Variants in DIS3L2 observed in about 807,000 individuals in gnomAD.
DIS3L2 encodes the protein DIS3-like exonuclease 2.
A neutral mutation model predicts 97.5 loss-of-function variants in DIS3L2; 34 were observed. That is an observed-to-expected ratio of 0.35 (90% CI 0.27 to 0.46). The LOEUF (loss-of-function observed/expected upper bound fraction) is 0.46. DIS3L2 is among the 20% of genes least tolerant of loss of function. The pLI is 1.00. For missense variants in DIS3L2, 1,038 were observed against 1,146.0 expected, an observed-to-expected ratio of 0.91 and a Z score of 1.36; for synonymous variants, 435 against 445.2, an observed-to-expected ratio of 0.98 and a Z score of 0.29.
rs182846533 is a variant in DIS3L2, at chr2:232,217,766, G to A, written c.1204+7361G>A. Among the ~76,000 whole-genome samples the A allele has an allele frequency of 5.3e-5, 8 of 152,324 alleles. No individual in the cohort carries two copies. In the East Asian group the frequency reaches 9.6e-4, roughly 18 times the overall value. On this transcript the variant is annotated intron_variant, in intron 10 of 20. Transcript: ENST00000325385. The stretch of plus-strand genomic sequence containing the variant: ...ATGTGGAGCTTCCATGCCTTCCCCA[G>A]GCATGCCACCCTCCAGGAACCTGCA...
chr2:232,080,602 CT>C, intron 5 of DIS3L2, among the ~76,000 whole-genome samples: 1 of 150,844 alleles, frequency 6.6e-6, no homozygotes, highest in East Asian at 1.9e-4. Context: ...CCTTTCTTTT[CT>C]TCTTTAAAAA....
chr2:232,161,862 T>G (rs950147238), intron 8 of DIS3L2, among the ~76,000 whole-genome samples: 1 of 151,958 alleles, frequency 6.6e-6, no homozygotes, highest in Non-Finnish European at 1.5e-5. Flanking sequence ...AACCTCTGAC[T>G]CTCTGGTTCA....
chr2:232,335,483 T>A, intron 19 of DIS3L2: 2 of 392,798 alleles, frequency 5.1e-6, no homozygotes, highest in Non-Finnish European at 9.3e-6. Flanking sequence ...GCCGCCACAG[T>A]TCTCTGTCCC....
At chr2:232,329,785 T>TACCGGGGGGGGGGCC in intron 14 of DIS3L2, 28 bp from the exon 15 acceptor site, 1 of 967,144 alleles carries the variant, frequency 1.0e-6, no homozygotes, top group Non-Finnish European at 1.5e-6. Context: ...ACCCCAGCGG[T>TACCGGGGGGGGGGCC]CCCTCCCATC....
intron 10 of DIS3L2, among the ~76,000 whole-genome samples, chr2:232,216,988 G>A (rs1042912906): frequency 5.3e-5 from 8 of 152,052 alleles, no homozygotes; most frequent in African/African-American, 1.2e-4. Context: ...GACTACAGGC[G>A]CCTGCCACCA....
Position 232,240,571 on chromosome 2 carries a change from C to T in DIS3L2, c.1317+1926C>T, listed in dbSNP as rs528821500. Among the ~76,000 whole-genome samples, 4 of 152,292 alleles carry T rather than the reference C, an allele frequency of 2.6e-5. No individual in the cohort carries two copies. In the South Asian group the frequency reaches 6.2e-4, roughly 24 times the overall value. ...GTCCTCATCTGAGCAGGGGGAATTC[C>T]GTACCAGACTTTGCTTGTGTCAAAC... On this transcript the variant is annotated intron_variant, in intron 11 of 20. Transcript: ENST00000325385.
rs1159539698 is a variant in DIS3L2 at position 232,016,921 on chromosome 2, T to TCTCC, written c.210+1269_210+1272dup. ...TGTCCCCTCCCTCCCTCCCTCCCTC[T>TCTCC]CTCCCTCCCTCCCTCCCTCCCTTCC... On this transcript the variant is annotated intron_variant, in intron 3 of 20. Transcript: ENST00000325385. 3.0e-3 allele frequency among the ~76,000 whole-genome samples: 267 copies of TCTCC among 88,624 alleles called. 2 individuals are homozygous for TCTCC. Among genetic ancestry groups the TCTCC allele is most frequent in the Middle Eastern group, 7.1e-3 (1 of 140 alleles). The allele number at this position is 88,624 out of a possible 152,430, so 58.1% of individuals were successfully genotyped here. A position where few individuals can be genotyped will look rare whatever the true frequency, so the allele number is the denominator to read the frequency against.
At chr2:232,242,098 G>A (rs1693116207) in intron 11 of DIS3L2, among the ~76,000 whole-genome samples, 1 of 152,240 alleles carries the variant, frequency 6.6e-6, no homozygotes. Flanking sequence ...ACGTCAAACT[G>A]TGTAGCAAAG....
intron 14 of DIS3L2, among the ~76,000 whole-genome samples, chr2:232,312,406 A>G (rs1438404570): frequency 6.6e-6 from 1 of 152,240 alleles, no homozygotes; most frequent in Admixed American, 6.5e-5. Context: ...TCAAAAATGA[A>G]GTACCCATAT....
At chr2:232,154,725 C>T (rs1307347946) in intron 8 of DIS3L2, among the ~76,000 whole-genome samples, 1 of 149,524 alleles carries the variant, frequency 6.7e-6, no homozygotes, top group Non-Finnish European at 1.5e-5. Context: ...CTGTGGTGGG[C>T]TGCACCCAGT....
chr2:232,188,750 T>C (rs1183093617), intron 9 of DIS3L2, among the ~76,000 whole-genome samples: 2 of 152,196 alleles, frequency 1.3e-5, no homozygotes, highest in Non-Finnish European at 2.9e-5. Flanking sequence ...TTAAAAACTT[T>C]CTGTCTATGA....
chr2:232,336,772 C>G lies in DIS3L2; in HGVS notation c.*142C>G, dbSNP rs1695969221. 4.7e-6 allele frequency: 7 copies of G among 1,476,666 alleles called. No individual in the cohort carries two copies. In the South Asian group the frequency reaches 5.4e-5, roughly 11 times the overall value. 91.5% of individuals were successfully genotyped at this position (1,476,666 alleles called of 1,614,324 possible). On this transcript the variant is annotated 3_prime_UTR_variant, in exon 21 of 21. Coordinates refer to ENST00000325385, the MANE Select transcript of DIS3L2 (RefSeq NM_152383.5). Reference sequence around the variant, plus strand: ...TTTTATTTTTATTTAATTTTTGCAGCTCAACTTTTAAACAAACTGCAGGGG... The same window carrying G: ...TTTTATTTTTATTTAATTTTTGCAGGTCAACTTTTAAACAAACTGCAGGGG...
intron 14 of DIS3L2, among the ~76,000 whole-genome samples, chr2:232,313,254 T>C (rs573702302): frequency 6.6e-5 from 10 of 152,368 alleles, no homozygotes; most frequent in African/African-American, 2.4e-4. Flanking sequence ...GTATACACTT[T>C]ATTTTTCCCC....
intron 13 of DIS3L2, among the ~76,000 whole-genome samples, chr2:232,286,617 C>T (rs1694441915): frequency 6.6e-6 from 1 of 152,156 alleles, no homozygotes; most frequent in Non-Finnish European, 1.5e-5. Flanking sequence ...ACATCAAGAA[C>T]ATCATTGAGT....
intron 5 of DIS3L2, among the ~76,000 whole-genome samples, chr2:232,080,874 G>T (rs927388853): frequency 6.9e-6 from 1 of 144,912 alleles, no homozygotes; most frequent in Non-Finnish European, 1.5e-5. Context: ...GCACTCAAGC[G>T]TAGGTAACAA....
At chr2:232,125,376 A>G (rs1402270987) in intron 6 of DIS3L2, among the ~76,000 whole-genome samples, 1 of 152,224 alleles carries the variant, frequency 6.6e-6, no homozygotes, top group African/African-American at 2.4e-5. Context: ...AGGAGGTCCC[A>G]TGCCATTTAA....
intron 5 of DIS3L2, 88 bp downstream of exon 5, chr2:232,030,168 A>G: frequency 9.0e-7 from 1 of 1,114,838 alleles, no homozygotes; most frequent in Non-Finnish European, 1.3e-6. Context: ...AAACTGGAGG[A>G]GTCACAGACC....
intron 1 of DIS3L2, among the ~76,000 whole-genome samples, chr2:232,014,247 A>C (rs1326237376): frequency 1.3e-5 from 2 of 152,216 alleles, no homozygotes; most frequent in African/African-American, 2.4e-5. Context: ...ATGGCAGGTA[A>C]GAGTAGGGGA....
At chr2:232,099,040 CTT>C (rs1239888889) in intron 6 of DIS3L2, among the ~76,000 whole-genome samples, 1 of 152,080 alleles carries the variant, frequency 6.6e-6, no homozygotes, top group African/African-American at 2.4e-5. Context: ...TTTTGCTAAA[CTT>C]TATGATGCGC....
Sources: gnomAD v4.1 joint callset for allele counts (sites outside exome capture counted in the v4.1 genomes callset) on GRCh38, gnomAD v4.1.1 for gene constraint, MANE v1.5 for transcripts, NCBI Gene and HGNC (gene_info 2026-07-23, HGNC 2026-07-21) for gene names.